COL24A1: variants seen among roughly 807,000 people sequenced by gnomAD.
COL24A1 encodes the protein collagen alpha-1(XXIV) chain.
A neutral mutation model predicts 253.9 loss-of-function variants in COL24A1; 224 were observed. The observed-to-expected ratio is 0.88, with a 90% CI of 0.79 to 0.99. The LOEUF (loss-of-function observed/expected upper bound fraction) is 0.99. Among genes scored for constraint, COL24A1 ranks in the 50% least tolerant of loss-of-function variants. The pLI is 0.00. For missense variants in COL24A1, 2,131 were observed against 2,068.5 expected (o/e 1.03, Z -0.59); for synonymous variants, 685 against 673.7 (o/e 1.02, Z -0.26).
chr1:85,874,745 C>T, intron 34 of COL24A1, 43 bp from the exon 35 acceptor site: 1 of 1,598,864 alleles, frequency 6.3e-7, no homozygotes, highest in Non-Finnish European at 8.6e-7. Context: ...TCTACTAAGA[C>T]TGCATGGCTA....
chr1:86,090,213 A>C (rs1452995491), intron 6 of COL24A1, among the ~76,000 whole-genome samples: 1 of 152,210 alleles, frequency 6.6e-6, no homozygotes, highest in African/African-American at 2.4e-5. Flanking sequence ...AGGAAAGAGG[A>C]AACTAGAGGC....
At chr1:86,052,459 G>A (rs189694177) in intron 10 of COL24A1, among the ~76,000 whole-genome samples, 7 of 152,178 alleles carry the variant, frequency 4.6e-5, no homozygotes, top group African/African-American at 1.2e-4. Context: ...AGACAATTAC[G>A]CTAAGTGCAG....
intron 47 of COL24A1, among the ~76,000 whole-genome samples, chr1:85,808,667 CACCCT>C (rs1672226882): frequency 6.6e-6 from 1 of 152,194 alleles, no homozygotes; most frequent in Non-Finnish European, 1.5e-5. Context: ...AAAGAACAAG[CACCCT>C]AAAGGTGTAC....
chr1:86,041,339 G>A (rs1288367791), intron 12 of COL24A1, among the ~76,000 whole-genome samples: 1 of 152,132 alleles, frequency 6.6e-6, no homozygotes, highest in Non-Finnish European at 1.5e-5. Context: ...CAGTTTTCTA[G>A]GTGTTGTTGA....
chr1:86,050,060 C>A (rs1009329651), intron 11 of COL24A1, 64 bp downstream of exon 11: 2 of 1,388,802 alleles, frequency 1.4e-6, no homozygotes, highest in South Asian at 2.6e-5. Context: ...GATTTTATGA[C>A]CCCCATTGTA....
intron 28 of COL24A1, among the ~76,000 whole-genome samples, chr1:85,901,644 C>T (rs71654727): frequency 6.6e-6 from 1 of 151,714 alleles, no homozygotes; most frequent in East Asian, 1.9e-4. Flanking sequence ...AACCCCATCT[C>T]TACTAAAAAT....
At chr1:85,961,155 G>A (rs957834079) in intron 24 of COL24A1, 94 bp downstream of exon 24, 12 of 906,946 alleles carry the variant, frequency 1.3e-5, no homozygotes, top group East Asian at 2.5e-5. Context: ...TTCTGATTCC[G>A]AGTAACTTGA....
intron 55 of COL24A1, among the ~76,000 whole-genome samples, chr1:85,760,345 G>A (rs533870317): frequency 4.6e-5 from 7 of 152,210 alleles, no homozygotes; most frequent in South Asian, 4.1e-4. Flanking sequence ...ATGCCCGGCC[G>A]AAAGACATTC....
chr1:86,149,971 A>C (rs150053419), intron 1 of COL24A1, among the ~76,000 whole-genome samples: 119 of 152,298 alleles, frequency 7.8e-4, no homozygotes, highest in African/African-American at 2.3e-3. Flanking sequence ...GAACAGGTAA[A>C]GTTTCTTACA....
chr1:85,889,569 TG>T lies in COL24A1; in HGVS notation c.2966del (p.Pro989GlnfsTer75). On this transcript the variant is annotated frameshift_variant, in exon 32 of 60. Coordinates refer to ENST00000370571, the MANE Select transcript of COL24A1 (RefSeq NM_152890.7). LOFTEE classifies it high-confidence loss of function. The part of the protein sequence containing the change: ...LPGSTGDRGL[P>X]GEPGLRGLQG... ...ATAAAGATAAACTTACTGGCTCTCCTGGAAGTCCTCTGTCACCTGTACTTCC... is the reference window on the plus strand; with the variant it reads ...ATAAAGATAAACTTACTGGCTCTCCTGAAGTCCTCTGTCACCTGTACTTCC... 6 of 1,612,784 alleles carry T rather than the reference TG, an allele frequency of 3.7e-6. No individual in the cohort carries two copies. Among genetic ancestry groups the T allele is most frequent in the Non-Finnish European group, 5.1e-6 (6 of 1,179,010 alleles).
chr1:85,821,391 G>C (rs1299038653), intron 45 of COL24A1, among the ~76,000 whole-genome samples: 1 of 152,126 alleles, frequency 6.6e-6, no homozygotes, highest in Non-Finnish European at 1.5e-5. Flanking sequence ...TTGCTAATTA[G>C]TTCTGTGATT....
In COL24A1 at chr1:85,900,742, G is replaced by T. The variant is rs187903688; in HGVS notation, c.2779-4333C>A. On this transcript the variant is annotated intron_variant, in intron 28 of 59. Coordinates refer to ENST00000370571, the MANE Select transcript of COL24A1 (RefSeq NM_152890.7). Reference sequence around the variant, plus strand: ...ATAGACAAATAGAACAGAAAAGAGAGCCCAGAAATAAATCTACACGTTTAT... The same window carrying T: ...ATAGACAAATAGAACAGAAAAGAGATCCCAGAAATAAATCTACACGTTTAT... 4.5e-4 allele frequency among the ~76,000 whole-genome samples: 68 copies of T among 152,066 alleles called. 1 individual carries two copies. Among genetic ancestry groups the T allele is most frequent in the Admixed American group, 3.1e-3 (47 of 15,252 alleles).
At chr1:85,895,984 AATGTTCATCTTTAATG>A (rs1383983014) in intron 30 of COL24A1, 21 bp downstream of exon 30, 3 of 1,600,028 alleles carry the variant, frequency 1.9e-6, no homozygotes, top group Non-Finnish European at 2.6e-6. Context: ...AAAGACTTAA[AATGTTCATCTTTAATG>A]TGAAATGTTT....
intron 47 of COL24A1, among the ~76,000 whole-genome samples, chr1:85,795,513 T>C (rs1020060866): frequency 1.3e-5 from 2 of 152,176 alleles, no homozygotes; most frequent in African/African-American, 4.8e-5. Context: ...TTTAAAGTTA[T>C]GCTGAGTGAA....
Position 85,816,902 on chromosome 1 carries a change from A to G in COL24A1, c.3844-7T>C, listed in dbSNP as rs766153795. On this transcript the variant is annotated splice_region_variant and splice_polypyrimidine_tract_variant and intron_variant, in intron 46 of 59. Transcript: ENST00000370571. ...CAAGTAGGCCTTGAAGTCCCTTGAT[A>G]ATTAAAAATTATTTGGATTGTAGAG... 5.6e-6 allele frequency: 9 copies of G among 1,594,506 alleles called. No homozygotes were observed. The highest frequency in any genetic ancestry group is 6.9e-6 in the Non-Finnish European group (8 of 1,162,654).
At chr1:86,014,841 C>T (rs1446871888) in intron 19 of COL24A1, among the ~76,000 whole-genome samples, 1 of 152,116 alleles carries the variant, frequency 6.6e-6, no homozygotes, top group Admixed American at 6.6e-5. Flanking sequence ...TTCTAAATAA[C>T]CTTTAGTTCA....
chr1:85,941,487 A>G (rs1688752569), intron 24 of COL24A1, among the ~76,000 whole-genome samples: 2 of 152,176 alleles, frequency 1.3e-5, no homozygotes, highest in South Asian at 2.1e-4. Context: ...TCAAAAAACA[A>G]AAAGGATGGG....
chr1:85,743,993 C>G (rs990068370), intron 57 of COL24A1, among the ~76,000 whole-genome samples: 2 of 151,982 alleles, frequency 1.3e-5, no homozygotes, highest in Non-Finnish European at 2.9e-5. Context: ...TTCAAATCAG[C>G]ATTTTTCACA....
intron 7 of COL24A1, among the ~76,000 whole-genome samples, 195 bp downstream of exon 7, chr1:86,088,979 C>T (rs1403397288): frequency 2.0e-5 from 3 of 151,978 alleles, no homozygotes; most frequent in Admixed American, 6.6e-5. Context: ...TGATGGCATC[C>T]TAATTTTCTT....
Sources: gnomAD v4.1 joint callset for allele counts (sites outside exome capture counted in the v4.1 genomes callset) on GRCh38, gnomAD v4.1.1 for gene constraint, MANE v1.5 for transcripts, NCBI Gene and HGNC (gene_info 2026-07-23, HGNC 2026-07-21) for gene names.